Variants in GRIA2 observed in about 807,000 individuals in gnomAD.
GRIA2 encodes glutamate receptor 2.
Under a neutral mutation model 97.3 loss-of-function variants are expected in GRIA2, and 14 were observed. That is an observed-to-expected ratio of 0.14 (90% CI 0.10 to 0.23). The LOEUF is 0.23. Ranked by LOEUF, GRIA2 falls within the 10% of genes least tolerant of loss-of-function variation. The pLI, the probability that GRIA2 is intolerant of heterozygous loss-of-function variation, is 1.00. For missense variants in GRIA2, 558 were observed against 1,069.8 expected (o/e 0.52, Z 6.67); for synonymous variants, 412 against 387.8 (o/e 1.06, Z -0.73).
chr4:157,228,892 C>T (rs1461790699), intron 2 of GRIA2, among the ~76,000 whole-genome samples: 1 of 108,868 alleles, frequency 9.2e-6, no homozygotes, highest in Non-Finnish European at 1.7e-5. Flanking sequence ...GTGGGTAGAA[C>T]AGGAGATGCC....
At chr4:157,254,653 GA>G (rs1393281397) in intron 2 of GRIA2, among the ~76,000 whole-genome samples, 2 of 152,032 alleles carry the variant, frequency 1.3e-5, no homozygotes, top group Admixed American at 6.6e-5. Flanking sequence ...ATCCTGTGTT[GA>G]GGGTGTGTGA....
At chr4:157,247,548 A>G (rs1730785929) in intron 2 of GRIA2, among the ~76,000 whole-genome samples, 1 of 148,392 alleles carries the variant, frequency 6.7e-6, no homozygotes, top group African/African-American at 2.5e-5. Context: ...TAATCACACA[A>G]GAGGACTTGT....
rs549920748 is a variant in GRIA2, at chr4:157,243,870, T to G, written c.229+22063T>G. Among the ~76,000 whole-genome samples the G allele has an allele frequency of 4.6e-5, 7 of 151,540 alleles. No individual in the cohort carries two copies. In the South Asian group the frequency reaches 1.5e-3, roughly 32 times the overall value. ...TCTGAGGGGCAGACATTAAGAAGACTAGAAAGGTGGACGCTCATGGAGCCT... is the reference window on the plus strand; with the variant it reads ...TCTGAGGGGCAGACATTAAGAAGACGAGAAAGGTGGACGCTCATGGAGCCT... On this transcript the variant is annotated intron_variant, in intron 2 of 15. Transcript: ENST00000264426.
In GRIA2 at chr4:157,335,836, A is replaced by G; in HGVS notation, c.1432A>G (p.Thr478Ala). The change falls in exon 10 of 16, where the codon ACG (threonine) becomes GCG (alanine). Residue 478 changes from threonine to alanine, a missense_variant. Thr to Ala is a moderately conservative substitution (Grantham distance 58). Coordinates refer to ENST00000264426, the MANE Select transcript of GRIA2 (RefSeq NM_001083619.3). ...DGKYGARDAD[T>A]KIWNGMVGEL... ...CAAGTATGGGGCCAGGGATGCAGACACGAAAATTTGGAATGGGATGGTTGG... is the reference window on the plus strand; with the variant it reads ...CAAGTATGGGGCCAGGGATGCAGACGCGAAAATTTGGAATGGGATGGTTGG... The G allele has an allele frequency of 6.2e-7, 1 of 1,612,246 alleles. No individual in the cohort carries two copies. The highest frequency in any genetic ancestry group is 8.5e-7 in the Non-Finnish European group (1 of 1,178,846).
chr4:157,359,838 G>A (rs1736557533), intron 12 of GRIA2, 58 bp from the exon 13 acceptor site: 3 of 1,494,646 alleles, frequency 2.0e-6, no homozygotes, highest in South Asian at 1.2e-5. Context: ...TTTGTGTTTT[G>A]TGAGTAATTT....
chr4:157,362,301 C>A, intron 14 of GRIA2: 1 of 440,722 alleles, frequency 2.3e-6, no homozygotes, highest in Non-Finnish European at 4.6e-6. Flanking sequence ...CATCTTAGTA[C>A]TTTGAGGGAT....
intron 2 of GRIA2, among the ~76,000 whole-genome samples, chr4:157,281,648 ACTCT>A (rs914718770): frequency 6.6e-6 from 1 of 151,346 alleles, no homozygotes; most frequent in Non-Finnish European, 1.5e-5. Context: ...ATTTTGTAAA[ACTCT>A]CTCTTTTTTT....
At chr4:157,276,260 T>G (rs1459565331) in intron 2 of GRIA2, among the ~76,000 whole-genome samples, 1 of 152,094 alleles carries the variant, frequency 6.6e-6, no homozygotes, top group African/African-American at 2.4e-5. Context: ...CCCAAATAGT[T>G]GTATATTAAA....
intron 4 of GRIA2, among the ~76,000 whole-genome samples, chr4:157,314,748 A>G (rs1409103963): frequency 1.3e-5 from 2 of 152,202 alleles, no homozygotes; most frequent in African/African-American, 2.4e-5. Context: ...AAACGTCCAT[A>G]TGGACATCTA....
At chr4:157,249,750 C>T (rs989265097) in intron 2 of GRIA2, 32 of 152,082 alleles carry the variant, frequency 2.1e-4, no homozygotes, top group African/African-American at 5.3e-4. Flanking sequence ...CCATTGTAGA[C>T]GCTAAGGATG....
In GRIA2 at chr4:157,361,479, T is replaced by C; in HGVS notation, c.2406+355T>C. On this transcript the variant is annotated intron_variant, in intron 14 of 15. Coordinates refer to ENST00000264426, the MANE Select transcript of GRIA2 (RefSeq NM_001083619.3). This position sits in a 1 kb window ranked among gnomAD's most constrained non-coding sequence, Gnocchi z 5.2. ...TTACAAAGCTCTTGAATCAGTATTATGTAATGAATAACATAAAATAACATT... is the reference window on the plus strand; with the variant it reads ...TTACAAAGCTCTTGAATCAGTATTACGTAATGAATAACATAAAATAACATT... 1 of 1,235,744 alleles carries C rather than the reference T, an allele frequency of 8.1e-7. No individual in the cohort carries two copies. Among genetic ancestry groups the C allele is most frequent in the African/African-American group, 1.5e-5 (1 of 66,536 alleles). 76.5% of individuals were successfully genotyped at this position (1,235,744 alleles called of 1,614,324 possible).
intron 11 of GRIA2, 92 bp downstream of exon 11, chr4:157,336,839 T>C: frequency 1.7e-6 from 2 of 1,190,436 alleles, no homozygotes; most frequent in Non-Finnish European, 2.4e-6. Flanking sequence ...AGTTACCAGC[T>C]GCCGACTTCC....
intron 2 of GRIA2, among the ~76,000 whole-genome samples, chr4:157,275,527 T>C (rs1331202134): frequency 6.6e-6 from 1 of 152,172 alleles, no homozygotes; most frequent in Non-Finnish European, 1.5e-5. Flanking sequence ...CTTTAATCCA[T>C]CTTGAATTAA....
intron 2 of GRIA2, among the ~76,000 whole-genome samples, chr4:157,300,016 G>T (rs1733543660): frequency 6.6e-6 from 1 of 151,622 alleles, no homozygotes; most frequent in Non-Finnish European, 1.5e-5. Context: ...TAGGGTGTTG[G>T]TATTGTATAA....
chr4:157,320,872 A>G (rs778780721), intron 5 of GRIA2, among the ~76,000 whole-genome samples: 2 of 152,158 alleles, frequency 1.3e-5, no homozygotes, highest in Admixed American at 6.5e-5. Flanking sequence ...GCAATAACAC[A>G]AGATAAATTT....
At chr4:157,221,240 G>C (rs939802979) in intron 1 of GRIA2, 110 bp downstream of exon 1, 11 of 716,264 alleles carry the variant, frequency 1.5e-5, no homozygotes, top group Non-Finnish European at 2.8e-5. Flanking sequence ...TACCTTGACT[G>C]CATTCCAGAT....
intron 2 of GRIA2, among the ~76,000 whole-genome samples, chr4:157,265,704 C>T (rs1008606407): frequency 5.9e-5 from 9 of 152,026 alleles, no homozygotes; most frequent in African/African-American, 2.2e-4. Context: ...CTGCCACAGC[C>T]GGAATACGGA....
At chr4:157,354,413 T>C (rs1483746609) in intron 12 of GRIA2, among the ~76,000 whole-genome samples, 2 of 152,204 alleles carry the variant, frequency 1.3e-5, no homozygotes, top group Non-Finnish European at 2.9e-5. Context: ...AGCATGTTTT[T>C]CCTTTGACTC....
chr4:157,295,827 CA>C (rs1368173321), intron 2 of GRIA2, among the ~76,000 whole-genome samples: 15 of 152,222 alleles, frequency 9.9e-5, no homozygotes, highest in South Asian at 2.1e-4. Context: ...ACATTACATG[CA>C]CTATCTGTTA....
Sources: gnomAD v4.1 joint callset for allele counts (sites outside exome capture counted in the v4.1 genomes callset) on GRCh38, gnomAD v4.1.1 for gene constraint, Gnocchi (gnomAD v3.1) non-coding constraint, MANE v1.5 for transcripts, NCBI Gene and HGNC (gene_info 2026-07-23, HGNC 2026-07-21) for gene names.